The following ASXL3 variants were observed in gnomAD, a reference collection of about 807,000 sequenced individuals.
ASXL3 encodes putative Polycomb group protein ASXL3.
In ASXL3, 34 loss-of-function variants were observed where a neutral mutation model predicts 170.6. That is an observed-to-expected ratio of 0.20 (90% confidence interval 0.15 to 0.27). The LOEUF (loss-of-function observed/expected upper bound fraction) is 0.27, where lower values mean the gene tolerates loss of function less well. Among genes scored for constraint, ASXL3 ranks in the 10% least tolerant of loss-of-function variants. The pLI is 1.00. For synonymous variants in ASXL3, 1,002 were observed against 989.1 expected, an observed-to-expected ratio of 1.01 and a Z score of -0.24; for missense variants, 2,592 against 2,695.3, an observed-to-expected ratio of 0.96 and a Z score of 0.85.
rs1456290978 is a variant in ASXL3, at chr18:33,750,386, T to G, written c.*3791T>G. 1 of 152,226 alleles carries G rather than the reference T, an allele frequency of 6.6e-6. No individual in the cohort carries two copies. Among genetic ancestry groups the G allele is most frequent in the Non-Finnish European group, 1.5e-5 (1 of 68,038 alleles). The allele number at this position is 152,226 out of a possible 1,614,324, so 9.4% of individuals were successfully genotyped here. A position where few individuals can be genotyped will look rare whatever the true frequency, so the allele number is the denominator to read the frequency against. ...CTATATTTGATAGTTGCAGAATAATTTAGACTGTAGAAAAACTTTGTTGTA... is the reference window on the plus strand; with the variant it reads ...CTATATTTGATAGTTGCAGAATAATGTAGACTGTAGAAAAACTTTGTTGTA... On this transcript the variant is annotated 3_prime_UTR_variant, in exon 12 of 12. Coordinates refer to ENST00000269197, the MANE Select transcript of ASXL3 (RefSeq NM_030632.3).
chr18:33,735,098 G>C (rs1253772233), intron 10 of ASXL3, among the ~76,000 whole-genome samples: 1 of 152,096 alleles, frequency 6.6e-6, no homozygotes. Context: ...TACTATTGAC[G>C]GTCACTTCAG....
chr18:33,681,032 A>T (rs1354540546), intron 7 of ASXL3, among the ~76,000 whole-genome samples: 2 of 151,828 alleles, frequency 1.3e-5, no homozygotes, highest in Non-Finnish European at 2.9e-5. Flanking sequence ...TGGAAATTAT[A>T]ATTCTTTTTT....
At chr18:33,630,763 A>C (rs904711520) in intron 2 of ASXL3, among the ~76,000 whole-genome samples, 1 of 152,032 alleles carries the variant, frequency 6.6e-6, no homozygotes, top group Non-Finnish European at 1.5e-5. Flanking sequence ...TTAGATAATG[A>C]ACAAGGAAAC....
At position 33,744,434 on chromosome 18, in the gene ASXL3, C is replaced by G. The variant is rs1216008585; in HGVS notation, c.4586C>G (p.Ala1529Gly). The G allele has an allele frequency of 6.2e-7, 1 of 1,613,570 alleles. No homozygotes were observed. Among genetic ancestry groups the G allele is most frequent in the Non-Finnish European group, 8.5e-7 (1 of 1,179,806 alleles). The change falls in exon 12 of 12, where the codon GCC (alanine) becomes GGC (glycine). Residue 1529 changes from alanine (A) to glycine (G), a missense_variant. Physicochemically the swap from Ala to Gly is moderately conservative, Grantham distance 60. Coordinates refer to ENST00000269197, the MANE Select transcript of ASXL3 (RefSeq NM_030632.3). ...VSVISRPEPV[A>G]NEGIDHSSTF... is the part of the protein sequence containing the mutation. ...GTGATTAGCAGGCCTGAGCCAGTTG[C>G]CAACGAAGGTATAGATCACAGTTCC...
In ASXL3 at chr18:33,750,272, A is replaced by G. The variant is rs2067863845; in HGVS notation, c.*3677A>G. The G allele has an allele frequency of 6.6e-6, 1 of 152,264 alleles. No homozygotes were observed. The highest frequency in any genetic ancestry group is 1.5e-5 in the Non-Finnish European group (1 of 68,046). 9.4% of individuals were successfully genotyped at this position (152,264 alleles called of 1,614,324 possible). ...AAAATTCCTGTCGTCTTCAGTCTTC[A>G]TGCTTTGTCACTGTAAAAAGAACAA... is the stretch of plus-strand genomic sequence containing the variant. On this transcript the variant is annotated 3_prime_UTR_variant, in exon 12 of 12. Transcript: ENST00000269197.
In ASXL3 at chr18:33,607,634, A is replaced by G; in HGVS notation, c.95A>G (p.Gln32Arg). 1 of 1,590,318 alleles carries G rather than the reference A, an allele frequency of 6.3e-7. No individual in the cohort carries two copies. The highest frequency in any genetic ancestry group is 1.3e-5 in the African/African-American group (1 of 74,454). ...CCCAACTCACCAATGACAGCAAAGC[A>G]GATATTGGAAGTCATTCAGAAAGAA... is the stretch of plus-strand genomic sequence containing the variant. Reference protein sequence around the residue: ...KHPNSPMTAKQILEVIQKEGL... With the variant: ...KHPNSPMTAKRILEVIQKEGL... The change falls in exon 2 of 12, where the codon CAG (glutamine) becomes CGG (arginine). Residue 32 changes from glutamine to arginine, a missense_variant. Gln to Arg is a conservative substitution (Grantham distance 43). Around this residue, in one of 4 missense-constraint regions of ASXL3, gnomAD observed 251 missense variants for 281.9 expected, o/e 0.89. Coordinates refer to ENST00000269197, the MANE Select transcript of ASXL3 (RefSeq NM_030632.3).
intron 1 of ASXL3, among the ~76,000 whole-genome samples, chr18:33,593,141 G>C (rs1307117692): frequency 6.6e-6 from 1 of 151,468 alleles, no homozygotes; most frequent in African/African-American, 2.4e-5. Flanking sequence ...GACAAATTGT[G>C]TTTCATTGAA....
intron 1 of ASXL3, among the ~76,000 whole-genome samples, chr18:33,594,381 G>C (rs2065106289): frequency 6.6e-6 from 1 of 152,094 alleles, no homozygotes; most frequent in African/African-American, 2.4e-5. Flanking sequence ...ACAGTATAAT[G>C]AGCTCCCAAC....
intron 8 of ASXL3, among the ~76,000 whole-genome samples, chr18:33,727,802 G>A (rs902122133): frequency 9.2e-5 from 14 of 151,966 alleles, no homozygotes; most frequent in African/African-American, 1.9e-4. Flanking sequence ...AAAATTAATC[G>A]TGTATTTAAA....
chr18:33,737,075 A>T (rs1411959930), intron 10 of ASXL3, among the ~76,000 whole-genome samples: 1 of 151,958 alleles, frequency 6.6e-6, no homozygotes, highest in Non-Finnish European at 1.5e-5. Flanking sequence ...ATTTATCTGT[A>T]ATGTTGTTTT....
intron 7 of ASXL3, among the ~76,000 whole-genome samples, chr18:33,676,348 T>C (rs1299978476): frequency 6.6e-6 from 1 of 152,140 alleles, no homozygotes; most frequent in Non-Finnish European, 1.5e-5. Flanking sequence ...GTTTTTCTTT[T>C]GTTCTGTTTG....
At chr18:33,618,209 T>C (rs1426961767) in intron 2 of ASXL3, among the ~76,000 whole-genome samples, 1 of 152,182 alleles carries the variant, frequency 6.6e-6, no homozygotes, top group African/African-American at 2.4e-5. Flanking sequence ...AGACTATTTA[T>C]CCTTTGTCTT....
chr18:33,662,246 T>A (rs967427368), intron 5 of ASXL3, among the ~76,000 whole-genome samples: 2 of 152,158 alleles, frequency 1.3e-5, no homozygotes, highest in Non-Finnish European at 2.9e-5. Context: ...TATTCTGCCG[T>A]CACAGAGGCA....
intron 2 of ASXL3, among the ~76,000 whole-genome samples, chr18:33,621,716 G>A (rs373827166): frequency 1.7e-4 from 26 of 152,208 alleles, no homozygotes; most frequent in Non-Finnish European, 2.9e-4. Flanking sequence ...TGACGACCTC[G>A]CAGAGAGAAA....
chr18:33,676,190 C>G (rs1255066739), intron 7 of ASXL3, among the ~76,000 whole-genome samples: 1 of 129,900 alleles, frequency 7.7e-6, no homozygotes, highest in African/African-American at 2.9e-5. Flanking sequence ...CACCACTGCA[C>G]TCCAGCCTGG....
intron 1 of ASXL3, among the ~76,000 whole-genome samples, chr18:33,604,813 T>G (rs924346765): frequency 1.3e-5 from 2 of 152,016 alleles, no homozygotes; most frequent in Non-Finnish European, 2.9e-5. Context: ...ATTGCCCTAC[T>G]ACTAACATAT....
chr18:33,688,456 A>G (rs2066632838), intron 8 of ASXL3, among the ~76,000 whole-genome samples: 1 of 152,222 alleles, frequency 6.6e-6, no homozygotes, highest in African/African-American at 2.4e-5. Flanking sequence ...AGGTTTTAAG[A>G]CAGTAGAAGA....
chr18:33,713,981 C>G (rs946770023), intron 8 of ASXL3, among the ~76,000 whole-genome samples: 1 of 152,238 alleles, frequency 6.6e-6, no homozygotes, highest in South Asian at 2.1e-4. Flanking sequence ...GTTTGACTTG[C>G]ATGTGTGTCC....
At chr18:33,615,430 T>G (rs908575272) in intron 2 of ASXL3, among the ~76,000 whole-genome samples, 5 of 152,136 alleles carry the variant, frequency 3.3e-5, no homozygotes, top group Middle Eastern at 3.2e-3. Flanking sequence ...ACACCAGAGA[T>G]AACTGATTAC....
Sources: allele counts gnomAD v4.1 joint callset (sites outside exome capture counted in the v4.1 genomes callset), GRCh38; gene constraint gnomAD v4.1.1; regional missense constraint gnomAD v4.1.1; transcripts MANE v1.5; gene names NCBI Gene and HGNC (gene_info 2026-07-23, HGNC 2026-07-21).